Variants in PHKA1 observed in about 807,000 individuals in gnomAD.
PHKA1 encodes the protein phosphorylase b kinase regulatory subunit alpha, skeletal muscle isoform.
A neutral mutation model predicts 110.2 loss-of-function variants in PHKA1; 60 were observed. That is an observed-to-expected ratio of 0.54 (90% CI 0.44 to 0.68). PHKA1 has a LOEUF of 0.68. Ranked by LOEUF, PHKA1 falls within the 30% of genes least tolerant of loss-of-function variation. The pLI is 0.00. For missense variants in PHKA1, 801 were observed against 942.5 expected (o/e 0.85, Z 1.97); for synonymous variants, 316 against 333.6 (o/e 0.95, Z 0.58).
At chrX:72,600,772 C>A (rs1433375540) in intron 28 of PHKA1, among the ~76,000 whole-genome samples, 1 of 111,095 alleles carries the variant, frequency 9.0e-6, no homozygotes, top group Non-Finnish European at 1.9e-5. Flanking sequence ...AGGAGGATTG[C>A]GTGAATCCAG....
At chrX:72,689,583 T>G (rs1044579093) in intron 4 of PHKA1, among the ~76,000 whole-genome samples, 1 of 112,294 alleles carries the variant, frequency 8.9e-6, no homozygotes, top group African/African-American at 3.2e-5. Flanking sequence ...ATTGTGCAGA[T>G]GTATCATATT....
chrX:72,705,070 A>G (rs2054261590), intron 3 of PHKA1, 128 bp downstream of exon 3: 5 of 513,986 alleles, frequency 9.7e-6, no homozygotes, highest in Non-Finnish European at 1.7e-5. Flanking sequence ...AATTTTCAAA[A>G]TTTTCTAAAA....
chrX:72,646,460 C>T (rs868980960), intron 13 of PHKA1, among the ~76,000 whole-genome samples: 17 of 111,689 alleles, frequency 1.5e-4, no homozygotes, highest in African/African-American at 5.5e-4. Context: ...GCTATAGAGT[C>T]CTCCTAGAGG....
At chrX:72,631,151 TC>T (rs1417978496) in intron 16 of PHKA1, among the ~76,000 whole-genome samples, 1 of 110,149 alleles carries the variant, frequency 9.1e-6, no homozygotes, top group African/African-American at 3.3e-5. Flanking sequence ...TCCTAAAACT[TC>T]CATTCAGTTC....
Position 72,605,400 on chromosome X carries a change from C to T in PHKA1, c.2686G>A (p.Glu896Lys). 1 of 1,208,290 alleles carries T rather than the reference C, an allele frequency of 8.3e-7. No homozygotes were observed. Among genetic ancestry groups the T allele is most frequent in the Non-Finnish European group, 1.1e-6 (1 of 892,538 alleles). The change falls in exon 25 of 32, where the codon GAA (glutamate) becomes AAA (lysine). Residue 896 changes from glutamate (E) to lysine (K), a missense_variant and splice_region_variant. Transcript: ENST00000373542. ...GDMSISILTQ[E>K]IMVYLAMYMR... ...TACATGGCTAGATATACCATTATTTCCTGCACACAGAGTAGATATAGACAA... is the reference window on the plus strand; with the variant it reads ...TACATGGCTAGATATACCATTATTTTCTGCACACAGAGTAGATATAGACAA...
chrX:72,687,554 C>CT (rs1556319298), intron 4 of PHKA1, among the ~76,000 whole-genome samples: 1 of 111,021 alleles, frequency 9.0e-6, no homozygotes, highest in East Asian at 2.8e-4. Flanking sequence ...ATCTTGAAAT[C>CT]TCACTGTTCT....
At chrX:72,589,522 C>G (rs1015830249) in intron 29 of PHKA1, among the ~76,000 whole-genome samples, 1 of 111,742 alleles carries the variant, frequency 8.9e-6, no homozygotes, top group Non-Finnish European at 1.9e-5. Flanking sequence ...TGGCACAAGA[C>G]AGGGATGCCC....
At chrX:72,601,902 TC>T in intron 28 of PHKA1, 88 bp downstream of exon 28, 2 of 654,855 alleles carry the variant, frequency 3.1e-6, no homozygotes, top group Non-Finnish European at 5.0e-6. Context: ...TGACTTGTTA[TC>T]TTATTTGTAA....
chrX:72,604,700 A>C (rs1453836989), intron 25 of PHKA1, among the ~76,000 whole-genome samples: 1 of 111,819 alleles, frequency 8.9e-6, no homozygotes, highest in African/African-American at 3.2e-5. Flanking sequence ...ATAGGGGTCC[A>C]TTGTTCCCCT....
intron 15 of PHKA1, among the ~76,000 whole-genome samples, chrX:72,635,657 T>G (rs931424775): frequency 8.9e-6 from 1 of 112,064 alleles, no homozygotes; most frequent in Non-Finnish European, 1.9e-5. Flanking sequence ...AAATAGAATC[T>G]ATGATCCATT....
At chrX:72,628,643 G>A (rs2053123277) in intron 16 of PHKA1, among the ~76,000 whole-genome samples, 1 of 104,288 alleles carries the variant, frequency 9.6e-6, no homozygotes, top group Admixed American at 1.1e-4. Flanking sequence ...AGGCTGGAGT[G>A]CAGTGGTGCA....
intron 29 of PHKA1, among the ~76,000 whole-genome samples, chrX:72,591,238 A>C (rs1353216564): frequency 8.9e-6 from 1 of 112,251 alleles, no homozygotes; most frequent in African/African-American, 3.2e-5. Flanking sequence ...AGCCATAAAA[A>C]AGCATGAGTT....
chrX:72,581,214 G>GA (rs1556201378), intron 31 of PHKA1, 39 bp from the exon 32 acceptor site: 1 of 906,178 alleles, frequency 1.1e-6, no homozygotes, highest in Admixed American at 2.2e-5. Context: ...TAGGGGAAAG[G>GA]AAAAATTACC....
intron 16 of PHKA1, among the ~76,000 whole-genome samples, chrX:72,628,551 C>T (rs2053119016): frequency 1.0e-5 from 1 of 97,883 alleles, no homozygotes; most frequent in Non-Finnish European, 2.1e-5. Context: ...AAAATATTCC[C>T]ATATATATAT....
intron 4 of PHKA1, among the ~76,000 whole-genome samples, chrX:72,694,476 A>G (rs1350694232): frequency 2.7e-5 from 3 of 112,108 alleles, no homozygotes; most frequent in Admixed American, 1.9e-4. Context: ...TCATTTTTCC[A>G]GATGCATGTT....
At chrX:72,693,093 A>G (rs1603273557) in intron 4 of PHKA1, among the ~76,000 whole-genome samples, 1 of 110,671 alleles carries the variant, frequency 9.0e-6, no homozygotes, top group Middle Eastern at 4.6e-3. Flanking sequence ...TTAGGTGTGT[A>G]TTGCTTAATT....
intron 28 of PHKA1, 93 bp from the exon 29 acceptor site, chrX:72,593,367 C>T (rs1556228978): frequency 1.7e-5 from 11 of 648,259 alleles, no homozygotes; most frequent in South Asian, 7.3e-5. Flanking sequence ...GATGGAGTCT[C>T]GCTCTGTCGC....
chrX:72,690,161 A>G (rs1314950259), intron 4 of PHKA1, among the ~76,000 whole-genome samples: 1 of 111,231 alleles, frequency 9.0e-6, no homozygotes, highest in African/African-American at 3.3e-5. Context: ...TTGCTTTTTT[A>G]GTTTCTTGAT....
intron 16 of PHKA1, among the ~76,000 whole-genome samples, chrX:72,628,972 G>A (rs892402007): frequency 6.4e-4 from 71 of 111,424 alleles, no homozygotes; most frequent in African/African-American, 2.2e-3. Context: ...AAAAAGTAAA[G>A]TAGCAAGCCT....
Sources: allele counts gnomAD v4.1 joint callset (sites outside exome capture counted in the v4.1 genomes callset), GRCh38; gene constraint gnomAD v4.1.1; transcripts MANE v1.5; gene names NCBI Gene and HGNC (gene_info 2026-07-23, HGNC 2026-07-21).